MTUS2: variants seen among roughly 807,000 people sequenced by gnomAD.
The protein encoded by MTUS2 is microtubule-associated tumor suppressor candidate 2.
MTUS2 carries 40 observed loss-of-function variants against 114.1 expected under a neutral mutation model. The ratio of observed to expected loss-of-function variants is 0.35; its 90% CI spans 0.27 to 0.46. The LOEUF (loss-of-function observed/expected upper bound fraction) is 0.46, where lower values mean the gene tolerates loss of function less well. Ranked by LOEUF, MTUS2 falls within the 20% of genes least tolerant of loss-of-function variation. The pLI, the probability that MTUS2 is intolerant of heterozygous loss-of-function variation, is 1.00. For synonymous variants in MTUS2, 688 were observed against 672.0 expected (o/e 1.02, Z -0.37); for missense variants, 1,679 against 1,705.4 (o/e 0.98, Z 0.27).
chr13:29,147,874 A>G (rs1464783988), intron 5 of MTUS2, among the ~76,000 whole-genome samples: 1 of 152,124 alleles, frequency 6.6e-6, no homozygotes, highest in Non-Finnish European at 1.5e-5. Context: ...TGTCTTTGCT[A>G]TTGTGAATAG....
At chr13:29,099,018 T>C (rs914175606) in intron 4 of MTUS2, among the ~76,000 whole-genome samples, 1 of 152,244 alleles carries the variant, frequency 6.6e-6, no homozygotes, top group Non-Finnish European at 1.5e-5. Context: ...TTTCCTGTTC[T>C]ACAGACATCG....
intron 12 of MTUS2, among the ~76,000 whole-genome samples, chr13:29,494,240 G>GT (rs1461553759): frequency 6.6e-6 from 1 of 152,216 alleles, no homozygotes; most frequent in Non-Finnish European, 1.5e-5. Flanking sequence ...GGCAGCTGTT[G>GT]TAACTATTGT....
chr13:29,219,148 G>A (rs1895803745), intron 5 of MTUS2, among the ~76,000 whole-genome samples: 1 of 122,084 alleles, frequency 8.2e-6, no homozygotes, highest in Non-Finnish European at 1.6e-5. Flanking sequence ...ACAGTCCCCA[G>A]AGTGTGATAT....
At chr13:29,411,157 A>G (rs552292248) in intron 8 of MTUS2, among the ~76,000 whole-genome samples, 1 of 152,280 alleles carries the variant, frequency 6.6e-6, no homozygotes, top group South Asian at 2.1e-4. Context: ...GTTAAAAGAG[A>G]AATTCACTCA....
intron 2 of MTUS2, among the ~76,000 whole-genome samples, chr13:28,920,846 G>C (rs1390491517): frequency 3.9e-5 from 6 of 152,186 alleles, no homozygotes; most frequent in African/African-American, 1.4e-4. Flanking sequence ...ACCACCACAA[G>C]GGAGTTTCTC....
At chr13:29,312,719 C>T (rs1459931875) in intron 6 of MTUS2, among the ~76,000 whole-genome samples, 1 of 152,198 alleles carries the variant, frequency 6.6e-6, no homozygotes, top group African/African-American at 2.4e-5. Flanking sequence ...TATTCACATG[C>T]TCTCAGTATC....
At chr13:29,010,336 CTCT>C (rs1284821694) in intron 2 of MTUS2, among the ~76,000 whole-genome samples, 4 of 152,058 alleles carry the variant, frequency 2.6e-5, no homozygotes, top group African/African-American at 9.7e-5. Flanking sequence ...TTGAGTTTTG[CTCT>C]TCTTTTTCTT....
chr13:29,099,924 GC>G (rs1007176749), intron 4 of MTUS2, among the ~76,000 whole-genome samples: 5 of 152,192 alleles, frequency 3.3e-5, no homozygotes, highest in African/African-American at 1.2e-4. Flanking sequence ...GTATGGGGAT[GC>G]TGAGATGCTA....
intron 2 of MTUS2, among the ~76,000 whole-genome samples, chr13:28,879,029 G>T (rs943891692): frequency 1.3e-5 from 2 of 152,284 alleles, no homozygotes; most frequent in South Asian, 2.1e-4. Flanking sequence ...ATTCTGACTG[G>T]CATGAGATGT....
In MTUS2 at chr13:28,994,166, C is replaced by A. The variant is rs545409707; in HGVS notation, c.-242-30291C>A. Among the ~76,000 whole-genome samples the A allele has an allele frequency of 3.3e-5, 5 of 152,070 alleles. No individual in the cohort carries two copies. In the East Asian group the frequency reaches 7.7e-4, roughly 24 times the overall value. ...AACATGCAGTGTTTGGTTTTTTGTCCTTGGGATAGTTTGCTTAGAATGATG... is the reference window on the plus strand; with the variant it reads ...AACATGCAGTGTTTGGTTTTTTGTCATTGGGATAGTTTGCTTAGAATGATG... On this transcript the variant is annotated intron_variant, in intron 2 of 15. Coordinates refer to ENST00000612955, the MANE Select transcript of MTUS2 (RefSeq NM_001033602.4).
At chr13:29,302,917 G>T (rs1052004608) in intron 6 of MTUS2, among the ~76,000 whole-genome samples, 3 of 152,200 alleles carry the variant, frequency 2.0e-5, no homozygotes, top group African/African-American at 4.8e-5. Context: ...CAGTAGGTCA[G>T]TACCCCCTGG....
At chr13:29,280,795 G>A (rs1451863944) in intron 5 of MTUS2, among the ~76,000 whole-genome samples, 1 of 152,138 alleles carries the variant, frequency 6.6e-6, no homozygotes, top group Non-Finnish European at 1.5e-5. Flanking sequence ...CCTCACAGCT[G>A]TACTCAGAAG....
intron 15 of MTUS2, among the ~76,000 whole-genome samples, chr13:29,501,635 C>T (rs1316005111): frequency 6.6e-6 from 1 of 152,158 alleles, no homozygotes; most frequent in Non-Finnish European, 1.5e-5. Context: ...GGTGTTCAGG[C>T]TCCTCCCTCA....
intron 2 of MTUS2, among the ~76,000 whole-genome samples, chr13:28,946,304 T>TGTGTGCGCGCGC (rs1179597309): frequency 1.3e-5 from 2 of 150,216 alleles, no homozygotes; most frequent in African/African-American, 4.9e-5. Flanking sequence ...TGTGTGTGTG[T>TGTGTGCGCGCGC]GCGCGCGCAC....
At position 29,505,838 on chromosome 13, in the gene MTUS2, G is replaced by GTAA; in HGVS notation, c.*2633_*2634insAAT. The GTAA allele has an allele frequency of 4.4e-6, 1 of 229,084 alleles. No homozygotes were observed. Among genetic ancestry groups the GTAA allele is most frequent in the Non-Finnish European group, 8.7e-6 (1 of 115,446 alleles). 14.2% of individuals were successfully genotyped at this position (229,084 alleles called of 1,614,324 possible). ...GATGGGGGTGGGGGCAGCCCTGGCC[G>GTAA]TGATTAGTTGAATGAATGGGGTCAC... On this transcript the variant is annotated 3_prime_UTR_variant, in exon 16 of 16. Transcript: ENST00000612955.
intron 6 of MTUS2, among the ~76,000 whole-genome samples, chr13:29,293,724 A>T (rs1238724302): frequency 1.3e-5 from 2 of 152,184 alleles, no homozygotes; most frequent in African/African-American, 4.8e-5. Flanking sequence ...GTTATGATAT[A>T]GCCATTTAAT....
At chr13:29,080,958 T>G (rs1458623071) in intron 4 of MTUS2, among the ~76,000 whole-genome samples, 3 of 152,148 alleles carry the variant, frequency 2.0e-5, no homozygotes, top group Non-Finnish European at 4.4e-5. Context: ...ACTCCTGACC[T>G]CTGGTGATCC....
At chr13:29,383,901 T>C (rs934141611) in intron 8 of MTUS2, among the ~76,000 whole-genome samples, 6 of 149,068 alleles carry the variant, frequency 4.0e-5, no homozygotes, top group African/African-American at 1.5e-4. Context: ...CTTCTAACTG[T>C]CCACTTTTTC....
intron 5 of MTUS2, among the ~76,000 whole-genome samples, chr13:29,226,326 G>A (rs532168857): frequency 6.6e-6 from 1 of 152,114 alleles, no homozygotes; most frequent in African/African-American, 2.4e-5. Flanking sequence ...CTAAACTTAG[G>A]TGGCTTTTCA....
Sources: allele counts gnomAD v4.1 joint callset (sites outside exome capture counted in the v4.1 genomes callset), GRCh38; gene constraint gnomAD v4.1.1; transcripts MANE v1.5; gene names NCBI Gene and HGNC (gene_info 2026-07-23, HGNC 2026-07-21).